Variants in COL23A1 observed in about 807,000 individuals in gnomAD.
The protein encoded by COL23A1 is collagen type XXIII alpha 1 chain, also known as collagen alpha-1(XXIII) chain.
COL23A1 carries 97 observed loss-of-function variants against 99.3 expected under a neutral mutation model. That is an observed-to-expected ratio of 0.98 (90% confidence interval 0.83 to 1.16). The LOEUF (loss-of-function observed/expected upper bound fraction) is 1.16. COL23A1 is among the 50% of genes most tolerant of loss of function. The pLI is 0.00. For synonymous variants in COL23A1, 320 were observed against 308.2 expected (o/e 1.04, Z -0.40); for missense variants, 762 against 757.4 (o/e 1.01, Z -0.07).
At chr5:178,485,254 T>G (rs1047481946) in intron 2 of COL23A1, among the ~76,000 whole-genome samples, 9 of 146,656 alleles carry the variant, frequency 6.1e-5, no homozygotes, top group African/African-American at 2.3e-4. Flanking sequence ...GGCGGATCAT[T>G]TGAGCTCAGG....
intron 27 of COL23A1, 103 bp from the exon 28 acceptor site, chr5:178,239,282 G>T: frequency 7.5e-7 from 1 of 1,326,636 alleles, no homozygotes; most frequent in Non-Finnish European, 1.1e-6. Flanking sequence ...GCCAGGGAGC[G>T]GCCATGTGAG....
intron 2 of COL23A1, among the ~76,000 whole-genome samples, chr5:178,543,105 G>C (rs1242795353): frequency 6.6e-6 from 1 of 151,842 alleles, no homozygotes; most frequent in Non-Finnish European, 1.5e-5. Context: ...GAGCATAATT[G>C]GCTTGTTTTT....
intron 2 of COL23A1, among the ~76,000 whole-genome samples, chr5:178,538,953 T>C (rs1159073897): frequency 6.6e-6 from 1 of 152,176 alleles, no homozygotes; most frequent in African/African-American, 2.4e-5. Flanking sequence ...AATATTACAC[T>C]AAGTAAAAGA....
At chr5:178,240,149 C>T (rs1246919197) in intron 27 of COL23A1, among the ~76,000 whole-genome samples, 7 of 152,154 alleles carry the variant, frequency 4.6e-5, no homozygotes, top group East Asian at 1.9e-4. Flanking sequence ...AAGCAGGGGC[C>T]GGGTTTCCTC....
intron 3 of COL23A1, among the ~76,000 whole-genome samples, chr5:178,293,887 C>A (rs1254771752): frequency 6.6e-6 from 1 of 152,030 alleles, no homozygotes; most frequent in African/African-American, 2.4e-5. Flanking sequence ...CAGAGGAGGC[C>A]AAGTCTATCA....
At chr5:178,424,068 T>A (rs1765774515) in intron 2 of COL23A1, among the ~76,000 whole-genome samples, 1 of 152,178 alleles carries the variant, frequency 6.6e-6, no homozygotes, top group Non-Finnish European at 1.5e-5. Context: ...TTCCTTCCTA[T>A]CTAGGGCCCT....
chr5:178,345,536 A>C (rs1760915833), intron 2 of COL23A1, among the ~76,000 whole-genome samples: 1 of 145,500 alleles, frequency 6.9e-6, no homozygotes, highest in Non-Finnish European at 1.5e-5. Context: ...TTTTTTTTTG[A>C]GACAGAGTTT....
At chr5:178,321,480 CTTTTTTTT>C (rs570803192) in intron 2 of COL23A1, among the ~76,000 whole-genome samples, 134 of 109,022 alleles carry the variant, frequency 1.2e-3, no homozygotes, top group African/African-American at 4.3e-3. Flanking sequence ...GTCACCTTCC[CTTTTTTTT>C]TTTTTTTTTT....
At chr5:178,412,108 C>T (rs1328536486) in intron 2 of COL23A1, among the ~76,000 whole-genome samples, 2 of 152,030 alleles carry the variant, frequency 1.3e-5, no homozygotes, top group Non-Finnish European at 2.9e-5. Flanking sequence ...ATGGAAGCAG[C>T]GTAAGTATCG....
intron 2 of COL23A1, among the ~76,000 whole-genome samples, chr5:178,430,686 C>T (rs1038658539): frequency 1.3e-5 from 2 of 152,178 alleles, no homozygotes; most frequent in Non-Finnish European, 2.9e-5. Flanking sequence ...TCAATGGCAA[C>T]TTGGGAAATA....
Position 178,428,452 on chromosome 5 carries a change from C to A in COL23A1, c.362-121533G>T, listed in dbSNP as rs952825342. 6.6e-6 allele frequency among the ~76,000 whole-genome samples: 1 copy of A among 152,214 alleles called. No individual in the cohort carries two copies. Among genetic ancestry groups the A allele is most frequent in the African/African-American group, 2.4e-5 (1 of 41,446 alleles). ...CCAGGGCCCCTTCCTCATTCTGCTG[C>A]TCGGAACTCCTTGTGACAAGGACTG... On this transcript the variant is annotated intron_variant, in intron 2 of 28. Coordinates refer to ENST00000390654, the MANE Select transcript of COL23A1 (RefSeq NM_173465.4). The surrounding 1 kb of genome is among the most constrained non-coding windows in gnomAD (Gnocchi z 5.0).
In COL23A1 at chr5:178,261,749, C is replaced by T. The variant is rs1765638349; in HGVS notation, c.676-1G>A. ...TGGGCCCTGGGGGTCCCTTTGGGCC[C>T]TGGAACAAGAGAAGAGAAGGTGTTA... On this transcript the variant is annotated splice_acceptor_variant, in intron 10 of 28. Transcript: ENST00000390654. LOFTEE classifies it high-confidence loss of function. 6.2e-7 allele frequency: 1 copy of T among 1,607,818 alleles called. No homozygotes were observed. The highest frequency in any genetic ancestry group is 1.3e-5 in the African/African-American group (1 of 74,968).
At chr5:178,334,416 C>T (rs1013688952) in intron 2 of COL23A1, among the ~76,000 whole-genome samples, 6 of 152,358 alleles carry the variant, frequency 3.9e-5, no homozygotes, top group African/African-American at 1.4e-4. Context: ...AGGGGGCCAC[C>T]GGGCGGCACC....
chr5:178,324,683 G>A (rs970053843), intron 2 of COL23A1, among the ~76,000 whole-genome samples: 4 of 152,212 alleles, frequency 2.6e-5, no homozygotes, highest in East Asian at 1.9e-4. Flanking sequence ...CAGGTGGTCC[G>A]TGCCACAAGC....
intron 11 of COL23A1, 55 bp downstream of exon 11, chr5:178,261,667 G>A: frequency 7.7e-7 from 1 of 1,306,412 alleles, no homozygotes; most frequent in Non-Finnish European, 1.1e-6. Context: ...GGTGGTGGTG[G>A]GGGAGTCCAT....
At chr5:178,315,185 G>A (rs973414747) in intron 2 of COL23A1, among the ~76,000 whole-genome samples, 1 of 152,124 alleles carries the variant, frequency 6.6e-6, no homozygotes, top group Non-Finnish European at 1.5e-5. Context: ...TGGGATTAAG[G>A]AGTCCGGACC....
chr5:178,500,425 A>AAAC (rs1758460979), intron 2 of COL23A1, among the ~76,000 whole-genome samples: 1 of 36,820 alleles, frequency 2.7e-5, no homozygotes, highest in Non-Finnish European at 4.4e-5. Flanking sequence ...CCATCTCTAC[A>AAAC]AAAAAAAAAA....
chr5:178,575,439 GT>G (rs1182438693), intron 1 of COL23A1, among the ~76,000 whole-genome samples: 1 of 152,152 alleles, frequency 6.6e-6, no homozygotes, highest in Non-Finnish European at 1.5e-5. Flanking sequence ...ACAGCAACAT[GT>G]TTTTCGTGTT....
chr5:178,553,385 C>T (rs568837141), intron 2 of COL23A1, among the ~76,000 whole-genome samples: 8 of 152,332 alleles, frequency 5.3e-5, no homozygotes, highest in African/African-American at 1.9e-4. Flanking sequence ...TGGAGTTTCA[C>T]TCCTCTACGC....
Sources: allele counts gnomAD v4.1 joint callset (sites outside exome capture counted in the v4.1 genomes callset), GRCh38; gene constraint gnomAD v4.1.1; non-coding constraint Gnocchi (gnomAD v3.1); transcripts MANE v1.5; gene names NCBI Gene and HGNC (gene_info 2026-07-23, HGNC 2026-07-21).